CACNG2: variants seen among roughly 807,000 people sequenced by gnomAD.
The protein encoded by CACNG2 is voltage-dependent calcium channel gamma-2 subunit.
Under a neutral mutation model 25.9 loss-of-function variants are expected in CACNG2, and 3 were observed. The ratio of observed to expected loss-of-function variants is 0.12; its 90% CI spans 0.05 to 0.30. CACNG2 has a LOEUF of 0.30. CACNG2 is among the 10% of genes least tolerant of loss of function. The pLI is 1.00. For synonymous variants in CACNG2, 167 were observed against 173.3 expected (o/e 0.96, Z 0.29); for missense variants, 341 against 432.5 (o/e 0.79, Z 1.88).
intron 1 of CACNG2, among the ~76,000 whole-genome samples, chr22:36,648,637 C>T (rs1380009657): frequency 6.6e-6 from 1 of 152,234 alleles, no homozygotes; most frequent in Non-Finnish European, 1.5e-5. Context: ...CCATTCATCA[C>T]TTCCAGCTCA....
chr22:36,588,646 C>A (rs1177006509), intron 1 of CACNG2, among the ~76,000 whole-genome samples: 3 of 152,228 alleles, frequency 2.0e-5, no homozygotes, highest in Admixed American at 1.3e-4. Flanking sequence ...CTGGGTCCAG[C>A]TGTGCATCAC....
chr22:36,564,606 G>A lies in CACNG2; in HGVS notation c.717C>T (p.Ser239=), dbSNP rs372295505. Residue 239 remains serine, a synonymous_variant, in exon 4 of 4, where the codon TCC becomes TCT. Transcript: ENST00000300105. The surrounding 1 kb of genome is among the most constrained non-coding windows in gnomAD (Gnocchi z 6.7). ...GTGAGGGCTCCGTGGAGCGCGAGCT[G>A]GAGCGGCTGCGGCGCTGGTAGCGGT... ...YRYRYQRRSR[S]SSRSTEPSHS... is the part of the protein sequence containing the mutation. 2 of 1,613,870 alleles carry A rather than the reference G, an allele frequency of 1.2e-6. No individual in the cohort carries two copies. Among genetic ancestry groups the A allele is most frequent in the African/African-American group, 1.3e-5 (1 of 74,946 alleles).
At chr22:36,598,278 C>A (rs1935705273) in intron 1 of CACNG2, among the ~76,000 whole-genome samples, 1 of 152,168 alleles carries the variant, frequency 6.6e-6, no homozygotes, top group South Asian at 2.1e-4. Context: ...ATATTAGAAT[C>A]CCTGGGGCAC....
chr22:36,617,187 T>C (rs1444922992), intron 1 of CACNG2, among the ~76,000 whole-genome samples: 2 of 152,354 alleles, frequency 1.3e-5, no homozygotes, highest in East Asian at 3.9e-4. Flanking sequence ...TGTTCCAGTC[T>C]TGAAGAGCAC....
intron 1 of CACNG2, among the ~76,000 whole-genome samples, chr22:36,674,636 G>GTTGAT (rs1264090368): frequency 2.0e-5 from 3 of 152,164 alleles, no homozygotes; most frequent in Non-Finnish European, 4.4e-5. Flanking sequence ...GCCCACACCT[G>GTTGAT]TTGATAAGGA....
intron 1 of CACNG2, among the ~76,000 whole-genome samples, chr22:36,664,648 C>T (rs904687890): frequency 2.6e-5 from 4 of 152,152 alleles, no homozygotes; most frequent in Non-Finnish European, 5.9e-5. Flanking sequence ...TGCTCAAAGC[C>T]GACTAACAAA....
chr22:36,600,881 C>G (rs1935745640), intron 1 of CACNG2, among the ~76,000 whole-genome samples: 1 of 151,980 alleles, frequency 6.6e-6, no homozygotes, highest in African/African-American at 2.4e-5. Context: ...ATTGTGTATA[C>G]TTTAAGGTAT....
chr22:36,641,983 C>A (rs1323657455), intron 1 of CACNG2, among the ~76,000 whole-genome samples: 1 of 152,200 alleles, frequency 6.6e-6, no homozygotes, highest in Non-Finnish European at 1.5e-5. Flanking sequence ...GCTGGGAGAG[C>A]TCCTGAAGGG....
At chr22:36,604,411 C>T (rs964704394) in intron 1 of CACNG2, among the ~76,000 whole-genome samples, 1 of 152,202 alleles carries the variant, frequency 6.6e-6, no homozygotes, top group East Asian at 1.9e-4. Context: ...AAAGCAGCAG[C>T]AGGGTTTGAG....
At chr22:36,573,524 G>C (rs1248325337) in intron 2 of CACNG2, among the ~76,000 whole-genome samples, 1 of 152,130 alleles carries the variant, frequency 6.6e-6, no homozygotes, top group Non-Finnish European at 1.5e-5. Context: ...TAGAGACGGG[G>C]TTTCACCATG....
chr22:36,663,408 C>G (rs1180113973), intron 1 of CACNG2, among the ~76,000 whole-genome samples: 1 of 152,184 alleles, frequency 6.6e-6, no homozygotes, highest in Non-Finnish European at 1.5e-5. Context: ...ATGACTGCTG[C>G]ACACACAAGC....
In CACNG2 at chr22:36,561,902, T is replaced by G. The variant is rs975296449; in HGVS notation, c.*2449A>C. ...TTACACTGGGATGGAACTGCTAAAA[T>G]TTTCCTCTCCATTCCCTCAGCCTTG... On this transcript the variant is annotated 3_prime_UTR_variant, in exon 4 of 4. Transcript: ENST00000300105. The G allele has an allele frequency of 6.6e-6, 1 of 152,118 alleles. No individual in the cohort carries two copies. The highest frequency in any genetic ancestry group is 6.5e-5 in the Admixed American group (1 of 15,270). 9.4% of individuals were successfully genotyped at this position (152,118 alleles called of 1,614,324 possible). A position where few individuals can be genotyped will look rare whatever the true frequency, so the allele number is the denominator to read the frequency against.
Position 36,702,722 on chromosome 22 carries a change from T to C in CACNG2, c.-146A>G. 1.6e-6 allele frequency: 1 copy of C among 635,372 alleles called. No individual in the cohort carries two copies. The allele number at this position is 635,372 out of a possible 1,614,324, so 39.4% of individuals were successfully genotyped here. ...TGGATATATGTATGAATAGAGAATA[T>C]GGAGAGTTATAAAAAAAGGGAGGTA... On this transcript the variant is annotated 5_prime_UTR_variant, in exon 1 of 4. Transcript: ENST00000300105.
chr22:36,627,436 C>G (rs1936201063), intron 1 of CACNG2, among the ~76,000 whole-genome samples: 1 of 152,040 alleles, frequency 6.6e-6, no homozygotes, highest in Admixed American at 6.6e-5. Flanking sequence ...AGGGCATGCT[C>G]ACGGTAACAC....
chr22:36,689,890 CGT>C (rs1937247331), intron 1 of CACNG2, among the ~76,000 whole-genome samples: 1 of 152,072 alleles, frequency 6.6e-6, no homozygotes, highest in Non-Finnish European at 1.5e-5. Context: ...AATGGGTGAG[CGT>C]CTCTCTCTTT....
chr22:36,679,179 TTCCTTC>T (rs1280327724), intron 1 of CACNG2, among the ~76,000 whole-genome samples: 6 of 130,966 alleles, frequency 4.6e-5, no homozygotes, highest in African/African-American at 1.8e-4. Flanking sequence ...CCTTCCTTCC[TTCCTTC>T]CTTCCTTCCT....
chr22:36,621,609 G>GTGTGTACA (rs60939692), intron 1 of CACNG2, among the ~76,000 whole-genome samples: 27,197 of 150,752 alleles, frequency 0.18, 3,463 homozygotes, highest in African/African-American at 0.36. Flanking sequence ...AGTATGAGGT[G>GTGTGTACA]TGTGTGCATG....
rs1935047516 is a variant in CACNG2 at position 36,562,620 on chromosome 22, T to C, written c.*1731A>G. On this transcript the variant is annotated 3_prime_UTR_variant, in exon 4 of 4. Coordinates refer to ENST00000300105, the MANE Select transcript of CACNG2 (RefSeq NM_006078.5). Reference sequence around the variant, plus strand: ...CTTTGGAGGGCATGAGTCAATTTCCTTTGAGCCACGCCCCTGGCCGTGTAT... The same window carrying C: ...CTTTGGAGGGCATGAGTCAATTTCCCTTGAGCCACGCCCCTGGCCGTGTAT... The C allele has an allele frequency of 1.3e-5, 2 of 152,336 alleles. No individual in the cohort carries two copies. The highest frequency in any genetic ancestry group is 4.8e-5 in the African/African-American group (2 of 41,442). 9.4% of individuals were successfully genotyped at this position (152,336 alleles called of 1,614,324 possible).
At chr22:36,690,606 C>T (rs766771262) in intron 1 of CACNG2, among the ~76,000 whole-genome samples, 11 of 152,130 alleles carry the variant, frequency 7.2e-5, no homozygotes, top group Admixed American at 2.0e-4. Context: ...AGGAGGGAGA[C>T]AAAATGATTA....
Sources: gnomAD v4.1 joint callset for allele counts (sites outside exome capture counted in the v4.1 genomes callset) on GRCh38, gnomAD v4.1.1 for gene constraint, Gnocchi (gnomAD v3.1) non-coding constraint, MANE v1.5 for transcripts, NCBI Gene and HGNC (gene_info 2026-07-23, HGNC 2026-07-21) for gene names.